Variants in KLF17 observed in about 807,000 individuals in gnomAD.
The protein encoded by KLF17 is Krueppel-like factor 17.
In KLF17, 31 loss-of-function variants were observed where a neutral mutation model predicts 34.2. That is an observed-to-expected ratio of 0.91 (90% CI 0.68 to 1.22). The LOEUF (loss-of-function observed/expected upper bound fraction) is 1.22, where lower values mean the gene tolerates loss of function less well. KLF17 is among the 50% of genes most tolerant of loss of function. KLF17 has a pLI of 0.00. For synonymous variants in KLF17, 179 were observed against 186.7 expected, an observed-to-expected ratio of 0.96 and a Z score of 0.34; for missense variants, 478 against 505.2, an observed-to-expected ratio of 0.95 and a Z score of 0.52.
chr1:44,083,858 G>GCTT, the KLF17 span, among the ~76,000 whole-genome samples: 1 of 151,196 alleles, frequency 6.6e-6, no homozygotes, highest in Non-Finnish European at 1.5e-5. Flanking sequence ...ATCTTCTCAA[G>GCTT]CTGAGAAGCC....
chr1:44,100,120 T>C, the KLF17 span, among the ~76,000 whole-genome samples: 1 of 130,078 alleles, frequency 7.7e-6, no homozygotes, highest in African/African-American at 3.0e-5. Context: ...ACACACAAAT[T>C]AGCTGGGCAT....
At chr1:44,099,274 C>A in the KLF17 span, among the ~76,000 whole-genome samples, 1 of 151,750 alleles carries the variant, frequency 6.6e-6, no homozygotes, top group Non-Finnish European at 1.5e-5. Context: ...CGTGGTGGCT[C>A]ACACCTGTGG....
chr1:44,099,907 A>C, the KLF17 span, among the ~76,000 whole-genome samples: 1 of 69,528 alleles, frequency 1.4e-5, no homozygotes, highest in African/African-American at 4.7e-5. Flanking sequence ...GAAAGAAAGA[A>C]AGAAAGAAAG....
chr1:44,094,724 C>G, the KLF17 span, among the ~76,000 whole-genome samples: 4 of 152,046 alleles, frequency 2.6e-5, no homozygotes, highest in Non-Finnish European at 4.4e-5. Context: ...TTGCCAGTAC[C>G]ATGCTGTTTT....
chr1:44,067,716 T>C, the KLF17 span, among the ~76,000 whole-genome samples: 1 of 152,034 alleles, frequency 6.6e-6, no homozygotes, highest in Admixed American at 6.6e-5. Context: ...TGTGATTATT[T>C]AGAGAAGGAG....
At chr1:44,116,412 T>C (rs2087879880), upstream of KLF17, among the ~76,000 whole-genome samples, 2 of 152,250 alleles carry the variant, frequency 1.3e-5, no homozygotes, top group African/African-American at 4.8e-5. Context: ...TCCATGACTT[T>C]GCTCTTATAA....
At chr1:44,123,003 A>T (rs1319392127) in intron 1 of KLF17, among the ~76,000 whole-genome samples, 1 of 151,746 alleles carries the variant, frequency 6.6e-6, no homozygotes, top group Non-Finnish European at 1.5e-5. Context: ...GTAATTTTGA[A>T]TTTTTTTTTC....
At chr1:44,102,793 A>C in the KLF17 span, among the ~76,000 whole-genome samples, 1 of 152,032 alleles carries the variant, frequency 6.6e-6, no homozygotes, top group Non-Finnish European at 1.5e-5. Flanking sequence ...ATGTGGCCAG[A>C]GGGGTGCTTG....
the KLF17 span, among the ~76,000 whole-genome samples, chr1:44,107,396 C>T: frequency 2.6e-5 from 4 of 152,140 alleles, no homozygotes; most frequent in South Asian, 2.1e-4. Flanking sequence ...TGAGCCACCG[C>T]GCCTGGCTGA....
chr1:44,086,999 T>C, the KLF17 span, among the ~76,000 whole-genome samples: 6 of 152,230 alleles, frequency 3.9e-5, no homozygotes, highest in South Asian at 2.1e-4. Context: ...GTCAACACAG[T>C]TGCTTTTCTT....
At chr1:44,128,366 A>G (rs990901502) in intron 1 of KLF17, among the ~76,000 whole-genome samples, 2 of 152,284 alleles carry the variant, frequency 1.3e-5, no homozygotes, top group Admixed American at 1.3e-4. Flanking sequence ...GCTTTTAAAA[A>G]TATGGTTCTT....
At chr1:44,119,726 A>C (rs1488230989) in intron 1 of KLF17, among the ~76,000 whole-genome samples, 1 of 152,150 alleles carries the variant, frequency 6.6e-6, no homozygotes, top group Admixed American at 6.6e-5. Context: ...TCTTAGGAGG[A>C]ACTGAAAGAC....
At chr1:44,099,841 GAAA>G in the KLF17 span, among the ~76,000 whole-genome samples, 1 of 28,734 alleles carries the variant, frequency 3.5e-5, no homozygotes, top group Non-Finnish European at 6.0e-5. Context: ...AAGAAAGAAA[GAAA>G]GAAAGAAAGA....
At chr1:44,062,301 A>C in the KLF17 span, among the ~76,000 whole-genome samples, 1 of 152,216 alleles carries the variant, frequency 6.6e-6, no homozygotes, top group Non-Finnish European at 1.5e-5. Context: ...CAAATATATA[A>C]GTAGTCAGGC....
chr1:44,086,157 G>T, the KLF17 span, among the ~76,000 whole-genome samples: 1 of 152,070 alleles, frequency 6.6e-6, no homozygotes, highest in East Asian at 1.9e-4. Context: ...TTGTGTTGAG[G>T]GATTGTGCTT....
At chr1:44,131,016 C>T (rs1234919370) in intron 3 of KLF17, among the ~76,000 whole-genome samples, 2 of 152,096 alleles carry the variant, frequency 1.3e-5, no homozygotes, top group Non-Finnish European at 2.9e-5. Flanking sequence ...AGGATGGTCT[C>T]GATCTCCTGA....
the KLF17 span, among the ~76,000 whole-genome samples, chr1:44,078,029 T>A: frequency 6.6e-6 from 1 of 152,266 alleles, no homozygotes; most frequent in Non-Finnish European, 1.5e-5. Context: ...GCTGCAAATA[T>A]CTTCTCCCAC....
chr1:44,087,721 ATT>A, the KLF17 span, among the ~76,000 whole-genome samples: 3 of 76,190 alleles, frequency 3.9e-5, no homozygotes, highest in East Asian at 4.5e-4. Flanking sequence ...CTTCCTATAT[ATT>A]TTATATATAT....
the KLF17 span, among the ~76,000 whole-genome samples, chr1:44,093,833 C>T: frequency 6.6e-6 from 1 of 152,228 alleles, no homozygotes; most frequent in South Asian, 2.1e-4. Flanking sequence ...GATAAGATTT[C>T]TCTCTGCGTC....
Sources: gnomAD v4.1 joint callset for allele counts (sites outside exome capture counted in the v4.1 genomes callset) on GRCh38, gnomAD v4.1.1 for gene constraint, MANE v1.5 for transcripts, NCBI Gene and HGNC (gene_info 2026-07-23, HGNC 2026-07-21) for gene names.